The following ADCY2 variants were observed in gnomAD, a reference collection of about 807,000 sequenced individuals.
ADCY2 encodes adenylate cyclase 2.
A neutral mutation model predicts 125.2 loss-of-function variants in ADCY2; 31 were observed. The observed-to-expected ratio is 0.25, with a 90% CI of 0.19 to 0.33. The LOEUF (loss-of-function observed/expected upper bound fraction) is 0.33. Ranked by LOEUF, ADCY2 falls within the 10% of genes least tolerant of loss-of-function variation. The pLI is 1.00. For missense variants in ADCY2, 904 were observed against 1,418.2 expected (o/e 0.64, Z 5.82); for synonymous variants, 512 against 548.4 (o/e 0.93, Z 0.93).
At chr5:7,581,287 T>C (rs1350965959) in intron 3 of ADCY2, among the ~76,000 whole-genome samples, 1 of 152,014 alleles carries the variant, frequency 6.6e-6, no homozygotes, top group Non-Finnish European at 1.5e-5. Context: ...TAGTATATAG[T>C]GTATGTGTAC....
chr5:7,658,637 G>A (rs1739425352), intron 4 of ADCY2, among the ~76,000 whole-genome samples: 1 of 152,114 alleles, frequency 6.6e-6, no homozygotes, highest in African/African-American at 2.4e-5. Context: ...TAAGGAAGCA[G>A]AAGGATTAAA....
At chr5:7,538,792 G>A (rs1252983112) in intron 3 of ADCY2, among the ~76,000 whole-genome samples, 1 of 151,192 alleles carries the variant, frequency 6.6e-6, no homozygotes, top group African/African-American at 2.4e-5. Flanking sequence ...AGCAGAAAGA[G>A]TAGTTCACTG....
chr5:7,471,929 G>C (rs1490192957), intron 2 of ADCY2, among the ~76,000 whole-genome samples: 1 of 152,026 alleles, frequency 6.6e-6, no homozygotes, highest in African/African-American at 2.4e-5. Flanking sequence ...CCTCTGTAAT[G>C]TATTTTCACC....
intron 2 of ADCY2, among the ~76,000 whole-genome samples, chr5:7,449,168 T>C (rs1036244693): frequency 6.6e-6 from 1 of 152,200 alleles, no homozygotes; most frequent in East Asian, 1.9e-4. Context: ...ATAATCGCCA[T>C]TCTGACTGGT....
intron 1 of ADCY2, among the ~76,000 whole-genome samples, chr5:7,400,026 T>TC (rs1210898345): frequency 6.6e-6 from 1 of 152,226 alleles, no homozygotes; most frequent in African/African-American, 2.4e-5. Flanking sequence ...AATTTAATAC[T>TC]CTCATTTATT....
chr5:7,420,907 A>G (rs1740177925), intron 2 of ADCY2, among the ~76,000 whole-genome samples: 1 of 152,148 alleles, frequency 6.6e-6, no homozygotes, highest in Non-Finnish European at 1.5e-5. Flanking sequence ...TTAAAAATAC[A>G]TGAGCATGTT....
At position 7,396,410 on chromosome 5, in the gene ADCY2, C is replaced by T; in HGVS notation, c.114C>T (p.Tyr38=). Residue 38 remains tyrosine (Y), a synonymous_variant, in exon 1 of 25, where the codon TAC becomes TAT. Transcript: ENST00000338316. The surrounding 1 kb of genome is among the most constrained non-coding windows in gnomAD (Gnocchi z 5.7). ...GGGACTGGCTCTACGAGTCCTACTA[C>T]TGCATGAGCCAGCAGCACCCGCTCA... is the stretch of plus-strand genomic sequence containing the variant. ...RSRDWLYESY[Y]CMSQQHPLIV... The T allele has an allele frequency of 6.3e-7, 1 of 1,579,842 alleles. No individual in the cohort carries two copies. Among genetic ancestry groups the T allele is most frequent in the South Asian group, 1.1e-5 (1 of 88,204 alleles).
intron 4 of ADCY2, among the ~76,000 whole-genome samples, chr5:7,664,251 G>A (rs4143882): frequency 0.32 from 48,310 of 152,112 alleles, 8,251 homozygotes; most frequent in East Asian, 0.64. Context: ...TGTTCAATGT[G>A]AAAAACATGT....
At chr5:7,750,278 T>TGTA (rs1742764201) in intron 15 of ADCY2, among the ~76,000 whole-genome samples, 1 of 152,152 alleles carries the variant, frequency 6.6e-6, no homozygotes, top group Non-Finnish European at 1.5e-5. Context: ...GTTTTTTCAG[T>TGTA]TATTACCTTA....
chr5:7,799,288 A>G (rs1289290421), intron 20 of ADCY2: 1 of 152,330 alleles, frequency 6.6e-6, no homozygotes, highest in Non-Finnish European at 1.5e-5. Flanking sequence ...ACCAGTCAGC[A>G]TGCAATCCTC....
At chr5:7,673,239 CAAAAAAAAAAAAAA>C (rs1197772883) in intron 4 of ADCY2, among the ~76,000 whole-genome samples, 1 of 5,228 alleles carries the variant, frequency 1.9e-4, no homozygotes, top group Non-Finnish European at 3.6e-4. Context: ...CTTGTCTCTC[CAAAAAAAAAAAAAA>C]AAAAAAAAAA....
At chr5:7,398,034 T>G (rs1484316613) in intron 1 of ADCY2, among the ~76,000 whole-genome samples, 2 of 152,210 alleles carry the variant, frequency 1.3e-5, no homozygotes, top group African/African-American at 2.4e-5. Context: ...AGTCATCTAC[T>G]TATTATTTTT....
At chr5:7,630,958 T>C (rs940762754) in intron 4 of ADCY2, among the ~76,000 whole-genome samples, 7 of 151,954 alleles carry the variant, frequency 4.6e-5, no homozygotes, top group Admixed American at 4.6e-4. Context: ...TGGCTAACTT[T>C]TGTTATTTAT....
At chr5:7,759,319 G>T (rs1743118496) in intron 16 of ADCY2, among the ~76,000 whole-genome samples, 1 of 152,174 alleles carries the variant, frequency 6.6e-6, no homozygotes, top group Non-Finnish European at 1.5e-5. Flanking sequence ...GCGGGCCACT[G>T]AAAGGTGCCA....
intron 3 of ADCY2, among the ~76,000 whole-genome samples, chr5:7,548,615 A>G (rs116423984): frequency 8.1e-4 from 123 of 152,334 alleles, no homozygotes; most frequent in East Asian, 7.1e-3. Context: ...CTTCAAGAAT[A>G]AGCTATTACA....
chr5:7,773,184 T>C (rs1261349003), intron 18 of ADCY2, 83 bp downstream of exon 18: 1 of 1,367,344 alleles, frequency 7.3e-7, no homozygotes, highest in Non-Finnish European at 1.0e-6. Flanking sequence ...TAAATGCAAG[T>C]TAGCGATGTC....
At position 7,396,543 on chromosome 5, in the gene ADCY2, C is replaced by A; in HGVS notation, c.210+37C>A. On this transcript the variant is annotated intron_variant, in intron 1 of 24. Transcript: ENST00000338316. The surrounding 1 kb of genome is among the most constrained non-coding windows in gnomAD (Gnocchi z 5.7). ...CCCCGCGGGTCCAGCGCCGCGCCTT[C>A]CCCGGCCCTGAGAGGAGCCCGGCCA... The A allele has an allele frequency of 6.5e-7, 1 of 1,527,286 alleles. No individual in the cohort carries two copies. The allele number at this position is 1,527,286 out of a possible 1,614,324, so 94.6% of individuals were successfully genotyped here. A position where few individuals can be genotyped will look rare whatever the true frequency, so the allele number is the denominator to read the frequency against.
chr5:7,750,306 C>T (rs1055334234), intron 15 of ADCY2, among the ~76,000 whole-genome samples: 1 of 152,080 alleles, frequency 6.6e-6, no homozygotes, highest in African/African-American at 2.4e-5. Flanking sequence ...AACATGTACA[C>T]ATGATTAACA....
At chr5:7,721,789 T>G (rs1741770450) in intron 12 of ADCY2, among the ~76,000 whole-genome samples, 1 of 152,208 alleles carries the variant, frequency 6.6e-6, no homozygotes, top group Non-Finnish European at 1.5e-5. Context: ...GCTGTTTTGG[T>G]TACTGTAGTC....
Sources: gnomAD v4.1 joint callset for allele counts (sites outside exome capture counted in the v4.1 genomes callset) on GRCh38, gnomAD v4.1.1 for gene constraint, Gnocchi (gnomAD v3.1) non-coding constraint, MANE v1.5 for transcripts, NCBI Gene and HGNC (gene_info 2026-07-23, HGNC 2026-07-21) for gene names.